The following MALRD1 variants were observed in gnomAD, a reference collection of about 807,000 sequenced individuals.
MALRD1 encodes the protein MAM and LDL receptor class A domain containing 1.
In MALRD1, 247 loss-of-function variants were observed where a neutral mutation model predicts 242.1. The observed-to-expected ratio is 1.02, with a 90% confidence interval of 0.92 to 1.13. The LOEUF is 1.13. MALRD1 is among the 50% of genes most tolerant of loss of function. The pLI is 0.00. For synonymous variants in MALRD1, 995 were observed against 866.6 expected (o/e 1.15, Z -2.60); for missense variants, 2,989 against 2,533.1 (o/e 1.18, Z -3.86).
intron 29 of MALRD1, 122 bp downstream of exon 29, chr10:19,450,612 A>T: frequency 1.2e-6 from 1 of 852,460 alleles, no homozygotes; most frequent in South Asian, 2.0e-5. Flanking sequence ...AAATCAATGG[A>T]AAGGTATAAT....
intron 14 of MALRD1, among the ~76,000 whole-genome samples, chr10:19,177,471 G>T (rs997722463): frequency 1.3e-5 from 2 of 151,944 alleles, no homozygotes; most frequent in Admixed American, 1.3e-4. Flanking sequence ...GGGGCAGAAA[G>T]GTGTGACAAA....
At chr10:19,276,349 T>A (rs1310503957) in intron 19 of MALRD1, among the ~76,000 whole-genome samples, 2 of 147,738 alleles carry the variant, frequency 1.4e-5, no homozygotes, top group East Asian at 4.0e-4. Context: ...TGCTCTGAAA[T>A]GGCACAACAA....
intron 13 of MALRD1, among the ~76,000 whole-genome samples, chr10:19,167,813 A>T (rs1834762879): frequency 6.6e-6 from 1 of 152,144 alleles, no homozygotes; most frequent in South Asian, 2.1e-4. Flanking sequence ...CCTCCCATGG[A>T]GTGAGGGGTA....
At chr10:19,156,463 T>G (rs985218417) in intron 12 of MALRD1, among the ~76,000 whole-genome samples, 1 of 17,664 alleles carries the variant, frequency 5.7e-5, no homozygotes, top group Admixed American at 4.8e-4. Flanking sequence ...ATATAGAGCG[T>G]TTTTTTTTTT....
intron 2 of MALRD1, among the ~76,000 whole-genome samples, chr10:19,082,520 T>A (rs890584040): frequency 6.6e-6 from 1 of 151,984 alleles, no homozygotes; most frequent in East Asian, 1.9e-4. Flanking sequence ...CTTAGCTCTT[T>A]GAAAACATTT....
intron 38 of MALRD1, among the ~76,000 whole-genome samples, chr10:19,715,180 T>G (rs1472558180): frequency 2.0e-5 from 3 of 152,078 alleles, no homozygotes. Context: ...CTGACCATTC[T>G]CAAACATTTT....
intron 38 of MALRD1, among the ~76,000 whole-genome samples, chr10:19,711,517 C>A (rs1166669779): frequency 6.6e-6 from 1 of 152,100 alleles, no homozygotes; most frequent in East Asian, 1.9e-4. Context: ...ATAGAAAGCA[C>A]TGGAAAAGGA....
intron 33 of MALRD1, among the ~76,000 whole-genome samples, chr10:19,575,442 C>G (rs549018866): frequency 6.6e-6 from 1 of 152,004 alleles, no homozygotes; most frequent in African/African-American, 2.4e-5. Context: ...AGCACCACCT[C>G]CCTCCCAGCT....
At chr10:19,424,546 C>A (rs1366405822) in intron 28 of MALRD1, among the ~76,000 whole-genome samples, 1 of 152,140 alleles carries the variant, frequency 6.6e-6, no homozygotes, top group Non-Finnish European at 1.5e-5. Context: ...TACACAAAAA[C>A]ATACACTAAT....
intron 4 of MALRD1, among the ~76,000 whole-genome samples, chr10:19,103,777 T>A (rs1162445974): frequency 6.6e-6 from 1 of 152,150 alleles, no homozygotes; most frequent in East Asian, 1.9e-4. Flanking sequence ...GCCAGACATT[T>A]GAGATACAGT....
chr10:19,519,706 ATGAACTGTTATCACGCCAC>A, intron 31 of MALRD1, among the ~76,000 whole-genome samples: 1 of 152,238 alleles, frequency 6.6e-6, no homozygotes, highest in East Asian at 1.9e-4. Flanking sequence ...TGAAGCTGCA[ATGAACTGTTATCACGCCAC>A]TGCAATGTAG....
rs757575706 is a variant in MALRD1, at chr10:19,087,446, CAA to C, written c.341-387_341-386del. Among the ~76,000 whole-genome samples the C allele has an allele frequency of 1.5e-4, 22 of 150,998 alleles. 1 individual carries two copies. Among genetic ancestry groups the C allele is most frequent in the Non-Finnish European group, 2.7e-4 (18 of 67,808 alleles). On this transcript the variant is annotated intron_variant, in intron 2 of 39. Coordinates refer to ENST00000454679, the MANE Select transcript of MALRD1 (RefSeq NM_001142308.3). ...GTGGTTAAATTATTTGTTCTTTAAA[CAA>C]AAAAAATTATTAATCTAGTGAGGAT...
chr10:19,518,714 G>T (rs1485164141), intron 31 of MALRD1, among the ~76,000 whole-genome samples: 3 of 151,916 alleles, frequency 2.0e-5, no homozygotes, highest in Non-Finnish European at 2.9e-5. Context: ...TCAGCAGAAA[G>T]GTACTTTTCT....
intron 31 of MALRD1, among the ~76,000 whole-genome samples, chr10:19,519,801 AATT>A (rs1833796649): frequency 6.6e-6 from 1 of 152,140 alleles, no homozygotes; most frequent in Non-Finnish European, 1.5e-5. Context: ...GATATTTTCT[AATT>A]ATTATATTTG....
intron 18 of MALRD1, among the ~76,000 whole-genome samples, chr10:19,245,558 T>C (rs1018792790): frequency 6.6e-6 from 1 of 152,212 alleles, no homozygotes; most frequent in African/African-American, 2.4e-5. Flanking sequence ...TTTGCATGTA[T>C]GTGAAAAATT....
chr10:19,708,319 C>CTTTTT (rs1419192455), intron 38 of MALRD1, among the ~76,000 whole-genome samples: 2 of 110,718 alleles, frequency 1.8e-5, no homozygotes, highest in African/African-American at 5.8e-5. Flanking sequence ...TTTTTTTAAC[C>CTTTTT]TTCTTTTTCT....
chr10:19,350,071 A>G (rs1844305345), intron 25 of MALRD1, among the ~76,000 whole-genome samples: 1 of 152,102 alleles, frequency 6.6e-6, no homozygotes, highest in Non-Finnish European at 1.5e-5. Context: ...TGGGTCTTCT[A>G]TATTAAAAAT....
intron 32 of MALRD1, among the ~76,000 whole-genome samples, chr10:19,543,015 T>C (rs1835044162): frequency 6.6e-6 from 1 of 152,198 alleles, no homozygotes; most frequent in Admixed American, 6.5e-5. Flanking sequence ...GATGTTCTAC[T>C]GTCTTCATTT....
chr10:19,661,954 A>G (rs1231866506), intron 36 of MALRD1, among the ~76,000 whole-genome samples: 1 of 152,156 alleles, frequency 6.6e-6, no homozygotes, highest in Non-Finnish European at 1.5e-5. Context: ...CAAAATAAGT[A>G]CTTCAGGTTC....
Sources: allele counts gnomAD v4.1 joint callset (sites outside exome capture counted in the v4.1 genomes callset), GRCh38; gene constraint gnomAD v4.1.1; transcripts MANE v1.5; gene names NCBI Gene and HGNC (gene_info 2026-07-23, HGNC 2026-07-21).